The following AFG2A variants were observed in gnomAD, a reference collection of about 807,000 sequenced individuals.
AFG2A encodes AAA ATPase AFG2A, also known as ATPase family gene 2 protein homolog A.
At chr4:123,026,426 C>T in the AFG2A span, among the ~76,000 whole-genome samples, 2 of 151,976 alleles carry the variant, frequency 1.3e-5, no homozygotes, top group African/African-American at 4.8e-5. Context: ...AAAATACTAA[C>T]ACGAACGATA....
the AFG2A span, among the ~76,000 whole-genome samples, chr4:123,244,881 A>T: frequency 6.7e-6 from 1 of 149,620 alleles, no homozygotes; most frequent in Non-Finnish European, 1.5e-5. Flanking sequence ...TTGGGAAAAA[A>T]TATATGTCCT....
chr4:123,168,176 T>C, the AFG2A span, among the ~76,000 whole-genome samples: 1 of 152,182 alleles, frequency 6.6e-6, no homozygotes, highest in South Asian at 2.1e-4. Flanking sequence ...CTAGGTAGAA[T>C]GCTAAAAGTT....
chr4:123,096,507 T>C, the AFG2A span, among the ~76,000 whole-genome samples: 1 of 152,032 alleles, frequency 6.6e-6, no homozygotes, highest in Non-Finnish European at 1.5e-5. Context: ...TTGTGTTGAA[T>C]CTTAAGGAAA....
chr4:123,229,192 G>A, the AFG2A span, among the ~76,000 whole-genome samples: 3 of 151,968 alleles, frequency 2.0e-5, no homozygotes, highest in South Asian at 6.2e-4. Context: ...AAGTGCTGTG[G>A]AAGGACATTG....
At chr4:123,236,429 G>T in the AFG2A span, among the ~76,000 whole-genome samples, 3 of 152,112 alleles carry the variant, frequency 2.0e-5, no homozygotes, top group Non-Finnish European at 4.4e-5. Flanking sequence ...TAAAATGATG[G>T]CATCTGCATT....
the AFG2A span, among the ~76,000 whole-genome samples, chr4:123,285,488 T>C: frequency 7.9e-5 from 12 of 152,150 alleles, no homozygotes; most frequent in Non-Finnish European, 1.8e-4. Context: ...CCTGTCAGAC[T>C]ACTTTTGAGT....
the AFG2A span, among the ~76,000 whole-genome samples, chr4:123,108,050 G>A: frequency 6.6e-6 from 1 of 152,314 alleles, no homozygotes; most frequent in African/African-American, 2.4e-5. Context: ...CAACTCAGTA[G>A]GGGCCAGGGC....
chr4:122,943,466 T>G, the AFG2A span, among the ~76,000 whole-genome samples: 1 of 152,216 alleles, frequency 6.6e-6, no homozygotes, highest in Non-Finnish European at 1.5e-5. Flanking sequence ...AGCCCTGCCT[T>G]TTTTTGTTTT....
the AFG2A span, among the ~76,000 whole-genome samples, chr4:123,157,642 T>A: frequency 6.6e-6 from 1 of 152,174 alleles, no homozygotes; most frequent in Non-Finnish European, 1.5e-5. Flanking sequence ...AGATTGAGCG[T>A]GTTCGGGGTG....
the AFG2A span, among the ~76,000 whole-genome samples, chr4:123,176,772 T>C: frequency 6.6e-6 from 1 of 152,024 alleles, no homozygotes; most frequent in Non-Finnish European, 1.5e-5. Context: ...TGCAGAAAAG[T>C]GGTAAGGGAA....
the AFG2A span, among the ~76,000 whole-genome samples, chr4:123,165,540 A>G: frequency 6.6e-6 from 1 of 152,086 alleles, no homozygotes; most frequent in Non-Finnish European, 1.5e-5. Context: ...CTTTAGTTGT[A>G]TGGCTATCTG....
chr4:123,248,141 T>A, the AFG2A span, among the ~76,000 whole-genome samples: 1 of 152,192 alleles, frequency 6.6e-6, no homozygotes, highest in Non-Finnish European at 1.5e-5. Context: ...AGTTAAGACT[T>A]TTTTATTCAA....
the AFG2A span, among the ~76,000 whole-genome samples, chr4:123,225,166 G>A: frequency 6.6e-6 from 1 of 152,172 alleles, no homozygotes; most frequent in Non-Finnish European, 1.5e-5. Flanking sequence ...TAGGTTGCCT[G>A]TTCACGCTGA....
At chr4:123,041,035 A>G in the AFG2A span, among the ~76,000 whole-genome samples, 1 of 151,944 alleles carries the variant, frequency 6.6e-6, no homozygotes, top group Non-Finnish European at 1.5e-5. Context: ...TCAGTCAGTG[A>G]TGTAATGATA....
the AFG2A span, among the ~76,000 whole-genome samples, chr4:123,031,401 C>T: frequency 6.6e-6 from 1 of 152,162 alleles, no homozygotes; most frequent in South Asian, 2.1e-4. Context: ...AATTTGCCCG[C>T]CTCACCCTCC....
At chr4:122,954,803 G>T in the AFG2A span, among the ~76,000 whole-genome samples, 1 of 148,276 alleles carries the variant, frequency 6.7e-6, no homozygotes. Flanking sequence ...CACAGCTCAG[G>T]CATCTAACTT....
At chr4:123,171,433 T>C in the AFG2A span, among the ~76,000 whole-genome samples, 2 of 152,036 alleles carry the variant, frequency 1.3e-5, no homozygotes, top group African/African-American at 4.8e-5. Flanking sequence ...CAAACAGGAA[T>C]AGGCAGAAGG....
chr4:123,234,707 G>C, the AFG2A span, among the ~76,000 whole-genome samples: 1 of 152,090 alleles, frequency 6.6e-6, no homozygotes, highest in South Asian at 2.1e-4. Flanking sequence ...GACAAAGCAA[G>C]GAATATGGCT....
At chr4:123,120,191 G>C in the AFG2A span, among the ~76,000 whole-genome samples, 2 of 152,216 alleles carry the variant, frequency 1.3e-5, no homozygotes, top group South Asian at 4.2e-4. Flanking sequence ...AACGTGTTTG[G>C]AAATTGGAAA....
Sources: gnomAD v4.1 joint callset for allele counts (sites outside exome capture counted in the v4.1 genomes callset) on GRCh38, gnomAD v4.1.1 for gene constraint, MANE v1.5 for transcripts, NCBI Gene and HGNC (gene_info 2026-07-23, HGNC 2026-07-21) for gene names.